The following EYA2 variants were observed in gnomAD, a reference collection of about 807,000 sequenced individuals.
EYA2 encodes EYA transcriptional coactivator and phosphatase 2, also known as protein phosphatase EYA2.
A neutral mutation model predicts 69.2 loss-of-function variants in EYA2; 31 were observed. The ratio of observed to expected loss-of-function variants is 0.45; its 90% confidence interval spans 0.34 to 0.60. The LOEUF is 0.60. Among genes scored for constraint, EYA2 ranks in the 20% least tolerant of loss-of-function variants. The probability of loss-of-function intolerance (pLI) is 0.02; values close to 1 mark genes in which losing one functional copy is unlikely to be tolerated. For missense variants in EYA2, 622 were observed against 701.2 expected (o/e 0.89, Z 1.28); for synonymous variants, 257 against 279.4 (o/e 0.92, Z 0.80).
chr20:47,053,478 C>G (rs1285142264), intron 5 of EYA2, among the ~76,000 whole-genome samples: 1 of 151,874 alleles, frequency 6.6e-6, no homozygotes, highest in Non-Finnish European at 1.5e-5. Flanking sequence ...CCAGCCTGGG[C>G]AACATGACAA....
intron 10 of EYA2, among the ~76,000 whole-genome samples, chr20:47,168,252 C>T (rs187011240): frequency 7.6e-4 from 116 of 151,930 alleles, no homozygotes; most frequent in African/African-American, 1.4e-3. Context: ...AGCACAGTGG[C>T]GCGATCTCGG....
At chr20:47,104,679 G>A (rs569572849) in intron 9 of EYA2, among the ~76,000 whole-genome samples, 1 of 152,270 alleles carries the variant, frequency 6.6e-6, no homozygotes, top group Admixed American at 6.5e-5. Context: ...AGCATTTGTT[G>A]AAAAGACTCT....
At chr20:47,182,441 C>T (rs968188248) in intron 14 of EYA2, among the ~76,000 whole-genome samples, 4 of 148,832 alleles carry the variant, frequency 2.7e-5, no homozygotes, top group East Asian at 2.0e-4. Context: ...CCAGCCTGAC[C>T]GACATAGTGA....
At chr20:47,161,609 G>A in intron 10 of EYA2, 2 of 248,286 alleles carry the variant, frequency 8.1e-6, no homozygotes, top group Non-Finnish European at 1.6e-5. Flanking sequence ...CCTGTCCGCG[G>A]CTATGACCCC....
chr20:47,131,691 G>C (rs1031745277), intron 9 of EYA2, among the ~76,000 whole-genome samples: 15 of 152,316 alleles, frequency 9.8e-5, no homozygotes, highest in Middle Eastern at 3.4e-3. Context: ...AGGAATGCAG[G>C]TGGCCTCTAG....
chr20:47,011,192 T>C (rs1451326926), intron 4 of EYA2, among the ~76,000 whole-genome samples: 1 of 152,094 alleles, frequency 6.6e-6, no homozygotes, highest in Non-Finnish European at 1.5e-5. Context: ...AAGCACTAAT[T>C]TGGTCCAAAA....
At chr20:46,921,987 G>T (rs1040716065) in intron 1 of EYA2, among the ~76,000 whole-genome samples, 1 of 152,188 alleles carries the variant, frequency 6.6e-6, no homozygotes, top group Non-Finnish European at 1.5e-5. Context: ...TCTTGTAAGT[G>T]TTTTCATAGC....
At chr20:46,955,981 G>A (rs767300346) in intron 1 of EYA2, among the ~76,000 whole-genome samples, 1 of 152,224 alleles carries the variant, frequency 6.6e-6, no homozygotes, top group Non-Finnish European at 1.5e-5. Context: ...GGGTGTGTCT[G>A]TGTTCCAATA....
At chr20:47,048,885 A>T (rs1440897788) in intron 5 of EYA2, among the ~76,000 whole-genome samples, 1 of 152,180 alleles carries the variant, frequency 6.6e-6, no homozygotes, top group Non-Finnish European at 1.5e-5. Flanking sequence ...AGGTGAGAGT[A>T]AGAAGAAGAA....
chr20:46,900,474 G>A (rs1162761961), intron 1 of EYA2, among the ~76,000 whole-genome samples: 1 of 152,216 alleles, frequency 6.6e-6, no homozygotes, highest in African/African-American at 2.4e-5. Flanking sequence ...TCTGCAGCAT[G>A]CATACTTTGG....
chr20:46,914,887 G>A (rs998884793), intron 1 of EYA2, among the ~76,000 whole-genome samples: 1 of 152,206 alleles, frequency 6.6e-6, no homozygotes, highest in Non-Finnish European at 1.5e-5. Flanking sequence ...TTGAGAGAGG[G>A]AATTAGAAAG....
chr20:46,936,759 G>T (rs937183022), intron 1 of EYA2, among the ~76,000 whole-genome samples: 3 of 152,148 alleles, frequency 2.0e-5, no homozygotes, highest in Non-Finnish European at 4.4e-5. Flanking sequence ...GACCGGAGGG[G>T]TGTCCCGTCC....
intron 9 of EYA2, among the ~76,000 whole-genome samples, chr20:47,102,798 C>T (rs1039372094): frequency 4.6e-5 from 7 of 152,146 alleles, no homozygotes; most frequent in Admixed American, 3.3e-4. Context: ...TTAGAAATTC[C>T]CTAGAGAGCT....
intron 8 of EYA2, 21 bp downstream of exon 8, chr20:47,089,402 G>T: frequency 6.2e-7 from 1 of 1,600,002 alleles, no homozygotes; most frequent in Non-Finnish European, 8.5e-7. Flanking sequence ...GGGGCTCTGT[G>T]TGACCTGGTG....
At chr20:47,096,945 A>G (rs1242647055) in intron 8 of EYA2, 140 bp from the exon 9 acceptor site, 5 of 670,224 alleles carry the variant, frequency 7.5e-6, no homozygotes, top group Non-Finnish European at 1.3e-5. Flanking sequence ...TTCATGACAC[A>G]TCAGTGAGTT....
chr20:47,108,503 A>G (rs989558032), intron 9 of EYA2, among the ~76,000 whole-genome samples: 1 of 152,218 alleles, frequency 6.6e-6, no homozygotes, highest in Non-Finnish European at 1.5e-5. Context: ...CCCTAGCCTC[A>G]GATATTCCTT....
intron 5 of EYA2, among the ~76,000 whole-genome samples, chr20:47,069,750 A>T (rs2031242403): frequency 6.6e-6 from 1 of 152,100 alleles, no homozygotes; most frequent in Non-Finnish European, 1.5e-5. Context: ...TACCCACAAA[A>T]ATTTTAAAAA....
At chr20:47,023,095 C>T (rs189405351) in intron 5 of EYA2, among the ~76,000 whole-genome samples, 13 of 152,130 alleles carry the variant, frequency 8.5e-5, no homozygotes, top group Admixed American at 4.6e-4. Flanking sequence ...TTACCTAGTT[C>T]GGGCATCTGT....
At chr20:46,902,439 T>C (rs1984158068) in intron 1 of EYA2, among the ~76,000 whole-genome samples, 4 of 152,236 alleles carry the variant, frequency 2.6e-5, no homozygotes. Flanking sequence ...TATTATTATT[T>C]CTATTTTACA....
Sources: gnomAD v4.1 joint callset for allele counts (sites outside exome capture counted in the v4.1 genomes callset) on GRCh38, gnomAD v4.1.1 for gene constraint, MANE v1.5 for transcripts, NCBI Gene and HGNC (gene_info 2026-07-23, HGNC 2026-07-21) for gene names.